The following MYO18B variants were observed in gnomAD, a reference collection of about 807,000 sequenced individuals.
MYO18B encodes the protein myosin XVIIIB, also known as unconventional myosin-XVIIIb.
A neutral mutation model predicts 273.0 loss-of-function variants in MYO18B; 204 were observed. That is an observed-to-expected ratio of 0.75 (90% confidence interval 0.67 to 0.84). MYO18B has a LOEUF of 0.84. Among genes scored for constraint, MYO18B ranks in the 40% least tolerant of loss-of-function variants. The pLI, the probability that MYO18B is intolerant of heterozygous loss-of-function variation, is 0.00. For synonymous variants in MYO18B, 1,330 were observed against 1,305.7 expected, an observed-to-expected ratio of 1.02 and a Z score of -0.40; for missense variants, 3,212 against 3,287.6, an observed-to-expected ratio of 0.98 and a Z score of 0.56.
Position 25,903,767 on chromosome 22 carries a change from C to A in MYO18B, c.5084C>A (p.Ser1695Tyr). The change falls in exon 31 of 44, where the codon TCC (serine) becomes TAC (tyrosine). Residue 1695 changes from serine (S) to tyrosine (Y), a missense_variant. By Grantham distance (144) the Ser-to-Tyr change is moderately radical. Transcript: ENST00000335473. The stretch of plus-strand genomic sequence containing the variant: ...AAGGAGAGGCTCTGGAAGTTGGAAT[C>A]CAGCGCCCTTGAGCAACAGAAAATC... ...GLKERLWKLE[S>Y]SALEQQKIQS... is the part of the protein sequence containing the mutation. The A allele has an allele frequency of 6.2e-7, 1 of 1,604,254 alleles. No individual in the cohort carries two copies. Among genetic ancestry groups the A allele is most frequent in the Non-Finnish European group, 8.5e-7 (1 of 1,175,476 alleles).
At chr22:25,992,731 A>C (rs537230089) in intron 40 of MYO18B, among the ~76,000 whole-genome samples, 1 of 152,238 alleles carries the variant, frequency 6.6e-6, no homozygotes, top group South Asian at 2.1e-4. Flanking sequence ...TGGTGAGGCA[A>C]TGTGACTGGA....
chr22:25,822,514 C>G (rs2089320650), intron 12 of MYO18B, among the ~76,000 whole-genome samples: 1 of 152,322 alleles, frequency 6.6e-6, no homozygotes, highest in East Asian at 1.9e-4. Context: ...CCTTGTCTGT[C>G]TTGCTCATTG....
Position 25,878,006 on chromosome 22 carries a change from G to A in MYO18B, c.4272G>A (p.Leu1424=). The A allele has an allele frequency of 1.3e-6, 2 of 1,585,160 alleles. No individual in the cohort carries two copies. The highest frequency in any genetic ancestry group is 1.7e-6 in the Non-Finnish European group (2 of 1,165,294). ...GGAAGCTAGAAAAATCAGAGAAGTT[G>A]CGGAATGAACTCCGGCAGAACACAG... is the stretch of plus-strand genomic sequence containing the variant. ...LRRKLEKSEK[L]RNELRQNTDL... The change falls in exon 25 of 44, where the codon TTG becomes TTA. Residue 1424 remains leucine, a synonymous_variant. Transcript: ENST00000335473.
chr22:26,044,562 A>G, the MYO18B span, among the ~76,000 whole-genome samples: 1 of 152,264 alleles, frequency 6.6e-6, no homozygotes, highest in Non-Finnish European at 1.5e-5. Flanking sequence ...CACGTCTGTG[A>G]AGAAGATACA....
At chr22:25,955,397 A>G in intron 39 of MYO18B, 33 bp downstream of exon 39, 1 of 1,581,282 alleles carries the variant, frequency 6.3e-7, no homozygotes. Context: ...GCTCTTAGCG[A>G]CTGAGGGTTT....
chr22:25,801,215 G>C (rs1398905389), intron 12 of MYO18B, among the ~76,000 whole-genome samples: 1 of 151,940 alleles, frequency 6.6e-6, no homozygotes, highest in African/African-American at 2.4e-5. Context: ...CCCCAATCCT[G>C]TTTTTAAAAA....
chr22:25,872,252 G>C (rs2091068473), intron 22 of MYO18B, among the ~76,000 whole-genome samples: 1 of 152,132 alleles, frequency 6.6e-6, no homozygotes, highest in Non-Finnish European at 1.5e-5. Context: ...CGAAAAATAG[G>C]GTTTAGGGTA....
rs1265561605 is a variant in MYO18B, at chr22:25,770,971, A to G, written c.1679A>G (p.Glu560Gly). Reference sequence around the variant, plus strand: ...AAAACCATCACTGAGGTGGATGAGGAGCATGTCCATCGGGTGAGTCCCCTG... The same window carrying G: ...AAAACCATCACTGAGGTGGATGAGGGGCATGTCCATCGGGTGAGTCCCCTG... Reference protein sequence around the residue: ...ADKTITEVDEEHVHRANPPEL... With the variant: ...ADKTITEVDEGHVHRANPPEL... The change falls in exon 6 of 44, where the codon GAG becomes GGG. Residue 560 changes from glutamate to glycine, a missense_variant. Transcript: ENST00000335473. 7 of 1,552,088 alleles carry G rather than the reference A, an allele frequency of 4.5e-6. No individual in the cohort carries two copies. Among genetic ancestry groups the G allele is most frequent in the Middle Eastern group, 1.7e-4 (1 of 5,994 alleles).
At chr22:25,920,525 C>T (rs975949517) in intron 33 of MYO18B, among the ~76,000 whole-genome samples, 2 of 152,176 alleles carry the variant, frequency 1.3e-5, no homozygotes, top group African/African-American at 4.8e-5. Flanking sequence ...CCCTTGACAG[C>T]TGTCCCTGGC....
At chr22:25,887,354 G>T (rs1013727274) in intron 25 of MYO18B, among the ~76,000 whole-genome samples, 1 of 152,040 alleles carries the variant, frequency 6.6e-6, no homozygotes. Flanking sequence ...CTCACTGCTC[G>T]CCCAAGCTGC....
intron 29 of MYO18B, 157 bp downstream of exon 29, chr22:25,898,618 G>T: frequency 1.4e-6 from 1 of 723,248 alleles, no homozygotes; most frequent in Non-Finnish European, 2.2e-6. Flanking sequence ...TTCCTGTATG[G>T]TTCTCCCAAG....
At chr22:25,968,864 G>T (rs550250794) in intron 39 of MYO18B, among the ~76,000 whole-genome samples, 1 of 152,288 alleles carries the variant, frequency 6.6e-6, no homozygotes, top group African/African-American at 2.4e-5. Flanking sequence ...GAGCTGGTTG[G>T]TCATAGAGCT....
At chr22:25,843,640 A>T in intron 17 of MYO18B, 95 bp from the exon 18 acceptor site, 3 of 1,288,748 alleles carry the variant, frequency 2.3e-6, no homozygotes, top group Non-Finnish European at 2.1e-6. Flanking sequence ...ATCTGGAAAC[A>T]CGTTAAGATG....
chr22:25,847,604 C>T lies in MYO18B; in HGVS notation c.3727C>T (p.Gln1243Ter). 6.4e-7 allele frequency: 1 copy of T among 1,565,022 alleles called. No homozygotes were observed. The highest frequency in any genetic ancestry group is 8.7e-7 in the Non-Finnish European group (1 of 1,154,928). The change falls in exon 20 of 44, where the codon CAG becomes TAG. Residue 1243 changes from glutamine to a stop codon, truncating the protein, a stop_gained. Transcript: ENST00000335473. LOFTEE classifies it high-confidence loss of function. ...LALDIPALRV[Q>*]LAGFHILEAL... Reference sequence around the variant, plus strand: ...CCTGGATATCCCAGCACTGAGGGTCCAGCTTGCTGGGTTCCACATCCTGGA... The same window carrying T: ...CCTGGATATCCCAGCACTGAGGGTCTAGCTTGCTGGGTTCCACATCCTGGA...
intron 11 of MYO18B, among the ~76,000 whole-genome samples, chr22:25,793,787 A>G (rs996588916): frequency 2.6e-5 from 4 of 152,214 alleles, no homozygotes; most frequent in African/African-American, 9.6e-5. Flanking sequence ...TGACCTTGAG[A>G]CTTTACCTCA....
chr22:25,760,144 G>C (rs1304485853), intron 1 of MYO18B, among the ~76,000 whole-genome samples: 1 of 152,068 alleles, frequency 6.6e-6, no homozygotes, highest in Non-Finnish European at 1.5e-5. Flanking sequence ...GGCTGGGCGT[G>C]GTGGCTCATG....
At position 25,843,717 on chromosome 22, in the gene MYO18B, C is replaced by A; in HGVS notation, c.3209-18C>A. 1 of 1,607,652 alleles carries A rather than the reference C, an allele frequency of 6.2e-7. No individual in the cohort carries two copies. The highest frequency in any genetic ancestry group is 8.5e-7 in the Non-Finnish European group (1 of 1,174,888). On this transcript the variant is annotated intron_variant, in intron 17 of 43. Coordinates refer to ENST00000335473, the MANE Select transcript of MYO18B (RefSeq NM_032608.7). ...CCTCAACAGGCTCCAGCACTCATGC[C>A]ACCATGTCTGTTTCCAGGGTCCTCT...
At chr22:26,047,970 T>C in the MYO18B span, among the ~76,000 whole-genome samples, 1 of 152,186 alleles carries the variant, frequency 6.6e-6, no homozygotes, top group Non-Finnish European at 1.5e-5. Context: ...TCTTTTGCTG[T>C]TCCTTGTGTG....
At chr22:25,838,159 AAAT>A (rs2089963424) in intron 17 of MYO18B, among the ~76,000 whole-genome samples, 1 of 150,844 alleles carries the variant, frequency 6.6e-6, no homozygotes, top group Non-Finnish European at 1.5e-5. Flanking sequence ...ACACACACAC[AAAT>A]ATATATATAA....
Sources: allele counts gnomAD v4.1 joint callset (sites outside exome capture counted in the v4.1 genomes callset), GRCh38; gene constraint gnomAD v4.1.1; transcripts MANE v1.5; gene names NCBI Gene and HGNC (gene_info 2026-07-23, HGNC 2026-07-21).